The following PRDM6 variants were observed in gnomAD, a reference collection of about 807,000 sequenced individuals.
PRDM6 encodes the protein putative histone-lysine N-methyltransferase PRDM6.
Under a neutral mutation model 60.8 loss-of-function variants are expected in PRDM6, and 25 were observed. The ratio of observed to expected loss-of-function variants is 0.41; its 90% CI spans 0.30 to 0.57. PRDM6 has a LOEUF of 0.57. PRDM6 is among the 20% of genes least tolerant of loss of function. The pLI, the probability that PRDM6 is intolerant of heterozygous loss-of-function variation, is 0.27. For missense variants in PRDM6, 839 were observed against 821.3 expected (o/e 1.02, Z -0.26); for synonymous variants, 407 against 357.4 (o/e 1.14, Z -1.57).
Position 123,090,185 on chromosome 5 carries a change from G to A in PRDM6, c.171G>A (p.Pro57=), listed in dbSNP as rs1763786107. The A allele has an allele frequency of 1.3e-6, 2 of 1,484,092 alleles. No individual in the cohort carries two copies. The highest frequency in any genetic ancestry group is 1.8e-6 in the Non-Finnish European group (2 of 1,121,474). 91.9% of individuals were successfully genotyped at this position (1,484,092 alleles called of 1,614,324 possible). A position where few individuals can be genotyped will look rare whatever the true frequency, so the allele number is the denominator to read the frequency against. ...PQPLQPPPPP[P]PPERAEPPPD... ...CTCTTCAGCCGCCGCCGCCGCCCCCGCCCCCGGAGCGCGCTGAGCCTCCGC... is the reference window on the plus strand; with the variant it reads ...CTCTTCAGCCGCCGCCGCCGCCCCCACCCCCGGAGCGCGCTGAGCCTCCGC... Residue 57 remains proline, a synonymous_variant, in exon 2 of 8, where the codon CCG becomes CCA. Coordinates refer to ENST00000407847, the MANE Select transcript of PRDM6 (RefSeq NM_001136239.4).
intron 3 of PRDM6, among the ~76,000 whole-genome samples, chr5:123,104,564 A>G (rs1454129338): frequency 2.0e-5 from 3 of 152,140 alleles, no homozygotes; most frequent in Non-Finnish European, 4.4e-5. Flanking sequence ...AGTAAAAATC[A>G]TGTTTTTCAG....
At chr5:123,146,645 C>A (rs1357102162) in intron 3 of PRDM6, among the ~76,000 whole-genome samples, 1 of 152,128 alleles carries the variant, frequency 6.6e-6, no homozygotes, top group Non-Finnish European at 1.5e-5. Flanking sequence ...ACTGACACGA[C>A]AAGGGATGCT....
intron 3 of PRDM6, among the ~76,000 whole-genome samples, chr5:123,105,867 T>C (rs183700539): frequency 1.3e-5 from 2 of 152,348 alleles, no homozygotes; most frequent in East Asian, 3.9e-4. Flanking sequence ...CTCAAATAAG[T>C]TACAGAATTC....
intron 2 of PRDM6, among the ~76,000 whole-genome samples, chr5:123,092,733 G>T (rs1763869514): frequency 6.6e-6 from 1 of 152,140 alleles, no homozygotes; most frequent in Admixed American, 6.5e-5. Flanking sequence ...TACACCCCAC[G>T]TTGCTCACTA....
intron 4 of PRDM6, among the ~76,000 whole-genome samples, chr5:123,157,895 G>C (rs1274578295): frequency 1.3e-5 from 2 of 152,138 alleles, no homozygotes; most frequent in African/African-American, 2.4e-5. Flanking sequence ...AACTGCGTTG[G>C]GACGCCATGA....
chr5:123,149,229 T>C (rs1400258580), intron 3 of PRDM6, among the ~76,000 whole-genome samples: 2 of 152,200 alleles, frequency 1.3e-5, no homozygotes, highest in Non-Finnish European at 2.9e-5. Context: ...TTGTGGTATT[T>C]GCTGTTTTCC....
intron 6 of PRDM6, among the ~76,000 whole-genome samples, chr5:123,174,576 G>T (rs1014807775): frequency 1.3e-5 from 2 of 152,106 alleles, no homozygotes; most frequent in Non-Finnish European, 2.9e-5. Context: ...TGAATATTTG[G>T]CCATGAAACC....
intron 3 of PRDM6, among the ~76,000 whole-genome samples, chr5:123,102,582 T>C (rs547189713): frequency 5.8e-4 from 89 of 152,290 alleles, no homozygotes; most frequent in Non-Finnish European, 1.2e-3. Flanking sequence ...CAAAAACTTA[T>C]TCTTTTAGAT....
At chr5:123,107,515 A>C (rs1764222448) in intron 3 of PRDM6, among the ~76,000 whole-genome samples, 1 of 152,244 alleles carries the variant, frequency 6.6e-6, no homozygotes, top group Admixed American at 6.5e-5. Context: ...ATGCCACATG[A>C]ATCTGCAGGG....
At chr5:123,114,722 C>T (rs1764394864) in intron 3 of PRDM6, among the ~76,000 whole-genome samples, 1 of 152,088 alleles carries the variant, frequency 6.6e-6, no homozygotes, top group South Asian at 2.1e-4. Context: ...ACTGGGGAGG[C>T]CAGGGTGCTG....
At chr5:123,184,969 A>C (rs944682180) in intron 7 of PRDM6, among the ~76,000 whole-genome samples, 4 of 152,146 alleles carry the variant, frequency 2.6e-5, no homozygotes, top group Non-Finnish European at 5.9e-5. Context: ...TGGCTCTAGA[A>C]ATGATTTTTC....
In PRDM6 at chr5:123,099,935, G is replaced by C; in HGVS notation, c.874G>C (p.Val292Leu). Residue 292 changes from valine to leucine, a missense_variant, in exon 3 of 8, where the codon GTG becomes CTG. Around this residue, in one of 2 missense-constraint regions of PRDM6, gnomAD observed 730 missense variants for 648.8 expected, o/e 1.13. Coordinates refer to ENST00000407847, the MANE Select transcript of PRDM6 (RefSeq NM_001136239.4). The surrounding 1 kb of genome is among the most constrained non-coding windows in gnomAD (Gnocchi z 4.0). ...CCCAGAGAAGGTGCAGGCAGGCGCCGTGAGGAACACGCAGCATCTCTGGGA... is the reference window on the plus strand; with the variant it reads ...CCCAGAGAAGGTGCAGGCAGGCGCCCTGAGGAACACGCAGCATCTCTGGGA... ...LPPEKVQAGA[V>L]RNTQHLWEIY... The C allele has an allele frequency of 2.2e-5, 34 of 1,532,506 alleles. No individual in the cohort carries two copies. The highest frequency in any genetic ancestry group is 2.9e-5 in the Non-Finnish European group (33 of 1,135,088). 94.9% of individuals were successfully genotyped at this position (1,532,506 alleles called of 1,614,324 possible). A position where few individuals can be genotyped will look rare whatever the true frequency, so the allele number is the denominator to read the frequency against.
At chr5:123,148,425 T>C (rs1765295824) in intron 3 of PRDM6, among the ~76,000 whole-genome samples, 1 of 152,094 alleles carries the variant, frequency 6.6e-6, no homozygotes, top group Admixed American at 6.6e-5. Flanking sequence ...AACAACAAAG[T>C]AAGTTAATTG....
intron 3 of PRDM6, among the ~76,000 whole-genome samples, chr5:123,145,628 A>G (rs553229473): frequency 6.6e-5 from 10 of 152,158 alleles, no homozygotes; most frequent in Admixed American, 2.0e-4. Context: ...TCTCTTGCAT[A>G]GTTGTCTGAT....
chr5:123,186,634 C>A (rs1766295063), intron 7 of PRDM6, among the ~76,000 whole-genome samples: 1 of 152,192 alleles, frequency 6.6e-6, no homozygotes, highest in Non-Finnish European at 1.5e-5. Context: ...TTTCCAAATT[C>A]CAAGATGTAC....
chr5:123,139,082 A>G (rs1328573420), intron 3 of PRDM6, among the ~76,000 whole-genome samples: 8 of 152,192 alleles, frequency 5.3e-5, no homozygotes. Flanking sequence ...TGAAAAAAGT[A>G]CTTGCTTCCC....
intron 3 of PRDM6, among the ~76,000 whole-genome samples, chr5:123,121,756 AGTTT>A (rs1184430543): frequency 1.3e-5 from 2 of 152,076 alleles, no homozygotes; most frequent in Admixed American, 6.5e-5. Context: ...TTTTATAGTT[AGTTT>A]GTTTCAATAA....
intron 3 of PRDM6, among the ~76,000 whole-genome samples, chr5:123,151,197 T>G (rs1765361324): frequency 6.6e-6 from 1 of 152,084 alleles, no homozygotes; most frequent in Non-Finnish European, 1.5e-5. Flanking sequence ...AATGCCAGTA[T>G]CTGGAGCCTT....
chr5:123,165,055 C>A (rs1158611547), intron 5 of PRDM6, among the ~76,000 whole-genome samples: 3 of 152,178 alleles, frequency 2.0e-5, no homozygotes, highest in Non-Finnish European at 2.9e-5. Flanking sequence ...AGGTGTTGAT[C>A]CTGAGAGCAA....
Sources: allele counts gnomAD v4.1 joint callset (sites outside exome capture counted in the v4.1 genomes callset), GRCh38; gene constraint gnomAD v4.1.1; regional missense constraint gnomAD v4.1.1; non-coding constraint Gnocchi (gnomAD v3.1); transcripts MANE v1.5; gene names NCBI Gene and HGNC (gene_info 2026-07-23, HGNC 2026-07-21).